Variants in CFAP68 observed in about 807,000 individuals in gnomAD.
The protein encoded by CFAP68 is cilia- and flagella-associated protein 68.
the CFAP68 span, chr11:111,881,096 C>A: frequency 2.6e-6 from 2 of 765,546 alleles, no homozygotes; most frequent in Non-Finnish European, 3.5e-6. Context: ...CAGTCTGATT[C>A]AAAAATCAAC....
At chr11:111,882,556 T>C in the CFAP68 span, 31 of 1,612,436 alleles carry the variant, frequency 1.9e-5, no homozygotes, top group Non-Finnish European at 2.4e-5. Context: ...AGGAAAGATA[T>C]GACCTGAGGA....
At chr11:111,885,288 G>A in the CFAP68 span, 1 of 152,272 alleles carries the variant, frequency 6.6e-6, no homozygotes, top group Non-Finnish European at 1.5e-5. Flanking sequence ...AACCAGCCTG[G>A]GCAACATAGC....
chr11:111,882,425 G>C, the CFAP68 span: 1 of 1,614,174 alleles, frequency 6.2e-7, no homozygotes, highest in Non-Finnish European at 8.5e-7. Flanking sequence ...TGTTAATGCA[G>C]ATGGCCATGG....
chr11:111,883,812 G>A, the CFAP68 span: 6 of 1,613,394 alleles, frequency 3.7e-6, no homozygotes, highest in South Asian at 3.3e-5. Context: ...ACATCAACCT[G>A]AACTGGATCC....
chr11:111,881,735 T>A, the CFAP68 span: 1 of 1,208,260 alleles, frequency 8.3e-7, no homozygotes, highest in South Asian at 1.7e-5. Context: ...GCAATCCAGA[T>A]TGATTGGGAG....
the CFAP68 span, chr11:111,880,638 T>G: frequency 2.7e-6 from 1 of 373,626 alleles, no homozygotes; most frequent in South Asian, 2.0e-5. Context: ...CCTTGTTTAG[T>G]ATATAATCAA....
chr11:111,881,656 G>A, the CFAP68 span: 1 of 1,488,250 alleles, frequency 6.7e-7, no homozygotes, highest in South Asian at 1.3e-5. Context: ...TCACATTTTG[G>A]GGAAAAAGAA....
At chr11:111,883,531 T>C in the CFAP68 span, among the ~76,000 whole-genome samples, 1 of 151,868 alleles carries the variant, frequency 6.6e-6, no homozygotes, top group East Asian at 1.9e-4. Context: ...AGGTGGAGGT[T>C]TCAGTGAGCA....
the CFAP68 span, chr11:111,883,131 T>C: frequency 2.1e-5 from 33 of 1,568,968 alleles, no homozygotes; most frequent in Middle Eastern, 1.7e-4. Flanking sequence ...AATTTTTCTT[T>C]CCAGTTTGGA....
At chr11:111,881,451 A>G in the CFAP68 span, 16 of 1,535,780 alleles carry the variant, frequency 1.0e-5, no homozygotes, top group South Asian at 6.0e-5. Context: ...CCACTTGCCC[A>G]TGGTAATCTG....
At chr11:111,883,164 A>G in the CFAP68 span, 45 of 1,580,498 alleles carry the variant, frequency 2.8e-5, no homozygotes, top group Non-Finnish European at 3.9e-5. Context: ...ACAACATATG[A>G]TACAAGCTAC....
chr11:111,882,853 A>C, the CFAP68 span, among the ~76,000 whole-genome samples: 4 of 152,160 alleles, frequency 2.6e-5, no homozygotes, highest in South Asian at 8.3e-4. Context: ...TTTGGACTTT[A>C]TCTCTTAGTC....
the CFAP68 span, chr11:111,883,122 A>T: frequency 6.4e-7 from 1 of 1,554,978 alleles, no homozygotes; most frequent in Non-Finnish European, 8.8e-7. Flanking sequence ...TAATCTGTTA[A>T]TTTTTCTTTC....
the CFAP68 span, chr11:111,881,532 C>G: frequency 6.5e-7 from 1 of 1,535,972 alleles, no homozygotes; most frequent in South Asian, 1.2e-5. Context: ...CATGGAACAG[C>G]CAAGTAAGGA....
the CFAP68 span, chr11:111,879,628 A>G: frequency 4.4e-6 from 7 of 1,607,794 alleles, no homozygotes; most frequent in South Asian, 2.2e-5. Context: ...CCTATCTTCT[A>G]TTCGTTCAAG....
At chr11:111,882,350 A>G in the CFAP68 span, 13 of 1,598,354 alleles carry the variant, frequency 8.1e-6, no homozygotes, top group African/African-American at 1.3e-5. Flanking sequence ...AAGCTTTTCT[A>G]TTCTTGTCTT....
the CFAP68 span, chr11:111,881,103 C>A: frequency 2.4e-6 from 2 of 827,404 alleles, no homozygotes; most frequent in Non-Finnish European, 3.2e-6. Context: ...ATTCAAAAAT[C>A]AACAAGACTT....
chr11:111,881,637 G>A, the CFAP68 span: 8 of 1,505,094 alleles, frequency 5.3e-6, no homozygotes, highest in Non-Finnish European at 7.0e-6. Flanking sequence ...CTAAGTCAGG[G>A]GGCCAGACTC....
At chr11:111,883,074 C>A in the CFAP68 span, 1 of 1,234,846 alleles carries the variant, frequency 8.1e-7, no homozygotes, top group Non-Finnish European at 1.2e-6. Flanking sequence ...TCATATTGAT[C>A]TTTATTTCCT....
Sources: allele counts gnomAD v4.1 joint callset (sites outside exome capture counted in the v4.1 genomes callset), GRCh38; gene constraint gnomAD v4.1.1; transcripts MANE v1.5; gene names NCBI Gene and HGNC (gene_info 2026-07-23, HGNC 2026-07-21).